METRNL: variants seen among roughly 807,000 people sequenced by gnomAD.
METRNL encodes the protein meteorin-like protein.
A neutral mutation model predicts 17.4 loss-of-function variants in METRNL; 9 were observed. The ratio of observed to expected loss-of-function variants is 0.52; its 90% confidence interval spans 0.31 to 0.90. The LOEUF (loss-of-function observed/expected upper bound fraction) is 0.90, where lower values mean the gene tolerates loss of function less well. Among genes scored for constraint, METRNL ranks in the 40% least tolerant of loss-of-function variants. The probability of loss-of-function intolerance (pLI) is 0.05; values close to 1 mark genes in which losing one functional copy is unlikely to be tolerated. For synonymous variants in METRNL, 215 were observed against 199.3 expected, an observed-to-expected ratio of 1.08 and a Z score of -0.66; for missense variants, 408 against 430.7, an observed-to-expected ratio of 0.95 and a Z score of 0.47.
At chr17:83,082,744 G>A (rs1201830056) in intron 1 of METRNL, among the ~76,000 whole-genome samples, 1 of 152,234 alleles carries the variant, frequency 6.6e-6, no homozygotes, top group East Asian at 1.9e-4. Context: ...TGAGGCACTC[G>A]ATTTTCTGGT....
chr17:83,087,466 A>T (rs1429442227), intron 2 of METRNL, among the ~76,000 whole-genome samples: 1 of 152,096 alleles, frequency 6.6e-6, no homozygotes, highest in Non-Finnish European at 1.5e-5. Flanking sequence ...CAGGGCCCTC[A>T]CGAGAGGCCT....
intron 2 of METRNL, among the ~76,000 whole-genome samples, chr17:83,090,912 C>T (rs921732754): frequency 6.6e-6 from 1 of 152,118 alleles, no homozygotes; most frequent in Non-Finnish European, 1.5e-5. Context: ...CTGCATCAGG[C>T]CCAGCATGGT....
intron 2 of METRNL, among the ~76,000 whole-genome samples, chr17:83,086,215 G>A (rs1012629059): frequency 5.9e-5 from 9 of 152,308 alleles, no homozygotes; most frequent in African/African-American, 2.2e-4. Context: ...CCACATTTTT[G>A]TGTTCTATGT....
At chr17:83,082,566 G>A (rs1415365621) in intron 1 of METRNL, among the ~76,000 whole-genome samples, 1 of 152,236 alleles carries the variant, frequency 6.6e-6, no homozygotes, top group African/African-American at 2.4e-5. Context: ...GCACGCTTCA[G>A]TTTTATCACA....
At chr17:83,084,793 C>T (rs1404246288) in intron 1 of METRNL, 145 bp from the exon 2 acceptor site, 93 of 1,028,790 alleles carry the variant, frequency 9.0e-5, no homozygotes, top group Non-Finnish European at 1.3e-4. Context: ...GGGCAGGGGT[C>T]CGTGTGGCAC....
chr17:83,082,972 G>A (rs904190215), intron 1 of METRNL, among the ~76,000 whole-genome samples: 3 of 152,264 alleles, frequency 2.0e-5, no homozygotes, highest in African/African-American at 7.2e-5. Context: ...CAGGCCCTGT[G>A]CTGGGTGCAG....
rs1459642594 is a variant in METRNL at position 83,085,073 on chromosome 17, G to A, written c.306G>A (p.Arg102=). The change falls in exon 2 of 4, where the codon CGG becomes CGA. Residue 102 remains arginine, a synonymous_variant. Transcript: ENST00000320095. ...NLRPNTFSPA[R]HLTVCIRSFT... is the part of the protein sequence containing the mutation. ...GGCCCAACACCTTCTCGCCTGCCCGGCACCTGACCGTGTGCATCAGGTCCT... is the reference window on the plus strand; with the variant it reads ...GGCCCAACACCTTCTCGCCTGCCCGACACCTGACCGTGTGCATCAGGTCCT... 2 of 1,613,904 alleles carry A rather than the reference G, an allele frequency of 1.2e-6. No homozygotes were observed. Among genetic ancestry groups the A allele is most frequent in the Non-Finnish European group, 1.7e-6 (2 of 1,180,022 alleles).
chr17:83,083,402 C>T (rs761477616), intron 1 of METRNL, among the ~76,000 whole-genome samples: 13 of 152,300 alleles, frequency 8.5e-5, no homozygotes, highest in Admixed American at 3.3e-4. Context: ...ATGCCAGAGA[C>T]GGGAGGGAGA....
chr17:83,080,776 C>T (rs1412155668), intron 1 of METRNL, among the ~76,000 whole-genome samples: 1 of 150,544 alleles, frequency 6.6e-6, no homozygotes, highest in Non-Finnish European at 1.5e-5. Context: ...TTCGCAGATG[C>T]GCGGGGACCC....
Position 83,085,273 on chromosome 17 carries a change from AG to A in METRNL, c.507del (p.Gln169HisfsTer30). On this transcript the variant is annotated frameshift_variant, in exon 2 of 4. Transcript: ENST00000320095. LOFTEE classifies it high-confidence loss of function. ...QDIGRRTTGF[Q>X]YELVRRHRAS... ...ATCGGCCGGAGGACCACAGGCTTCC[AG>A]TACGAGCTGGTTAGGAGGCACAGGG... 6.4e-7 allele frequency: 1 copy of A among 1,557,522 alleles called. No individual in the cohort carries two copies. The highest frequency in any genetic ancestry group is 8.7e-7 in the Non-Finnish European group (1 of 1,150,440).
At chr17:83,090,678 C>T (rs1002404248) in intron 2 of METRNL, among the ~76,000 whole-genome samples, 1 of 151,086 alleles carries the variant, frequency 6.6e-6, no homozygotes, top group Non-Finnish European at 1.5e-5. Context: ...GGTCACCACG[C>T]TTCTGTCGTT....
chr17:83,087,786 G>C (rs1252248294), intron 2 of METRNL, among the ~76,000 whole-genome samples: 1 of 114,288 alleles, frequency 8.7e-6, no homozygotes, highest in African/African-American at 2.6e-5. Context: ...CGAGCCTGAG[G>C]TGAGCCTGAG....
Position 83,079,681 on chromosome 17 carries a change from C to T in METRNL, c.-135C>T, listed in dbSNP as rs2037957810. ...GCGGGCCGGGATGGGCGGGCGGCCG[C>T]GCGGAGGACGCGGGGGGCGCGCGAC... is the stretch of plus-strand genomic sequence containing the variant. On this transcript the variant is annotated 5_prime_UTR_variant, in exon 1 of 4. Coordinates refer to ENST00000320095, the MANE Select transcript of METRNL (RefSeq NM_001004431.3). 2 of 224,248 alleles carry T rather than the reference C, an allele frequency of 8.9e-6. No homozygotes were observed. The highest frequency in any genetic ancestry group is 2.2e-3 in the Middle Eastern group (1 of 450). The allele number at this position is 224,248 out of a possible 1,614,324, so 13.9% of individuals were successfully genotyped here.
intron 2 of METRNL, among the ~76,000 whole-genome samples, chr17:83,085,923 G>A (rs983571314): frequency 4.6e-5 from 7 of 152,202 alleles, no homozygotes; most frequent in African/African-American, 1.4e-4. Context: ...GAGCTGTGAC[G>A]CCCAGAACAT....
At chr17:83,081,239 C>G (rs915445874) in intron 1 of METRNL, among the ~76,000 whole-genome samples, 4 of 152,054 alleles carry the variant, frequency 2.6e-5, no homozygotes, top group Admixed American at 6.5e-5. Context: ...GACGGCTCTT[C>G]TGGGGCCGCC....
chr17:83,094,431 G>C lies in METRNL; in HGVS notation c.792G>C (p.Pro264=). The C allele has an allele frequency of 1.3e-6, 2 of 1,598,356 alleles. No homozygotes were observed. Among genetic ancestry groups the C allele is most frequent in the Non-Finnish European group, 1.7e-6 (2 of 1,168,834 alleles). ...VRTLLECGVR[P]GHGDFLFTGH... ...CGCTGCTGGAGTGTGGCGTGCGGCC[G>C]GGGCATGGCGACTTCCTCTTCACTG... is the stretch of plus-strand genomic sequence containing the variant. Residue 264 remains proline, a synonymous_variant, in exon 4 of 4, where the codon CCG becomes CCC. Transcript: ENST00000320095.
intron 1 of METRNL, among the ~76,000 whole-genome samples, chr17:83,083,391 G>A (rs562387478): frequency 7.9e-4 from 120 of 152,348 alleles, no homozygotes; most frequent in African/African-American, 2.6e-3. Flanking sequence ...CAGTGGCCTC[G>A]ATGCCAGAGA....
rs567150863 is a variant in METRNL at position 83,093,194 on chromosome 17, A to C, written c.584A>C (p.Glu195Ala). ...CCGTGCCGTCCCTGCAGTGACACCG[A>C]GGTGCTCCTAGCCGTCTGCACCAGC... ...SAPCRPCSDTEVLLAVCTSDF... is the reference protein window; with the variant it reads ...SAPCRPCSDTAVLLAVCTSDF... Residue 195 changes from glutamate (E) to alanine (A), a missense_variant, in exon 3 of 4, where the codon GAG becomes GCG. Transcript: ENST00000320095. 1.2e-6 allele frequency: 2 copies of C among 1,608,238 alleles called. No individual in the cohort carries two copies. Among genetic ancestry groups the C allele is most frequent in the East Asian group, 2.2e-5 (1 of 44,860 alleles).
chr17:83,086,048 G>A (rs761566712), intron 2 of METRNL, among the ~76,000 whole-genome samples: 34 of 152,204 alleles, frequency 2.2e-4, no homozygotes, highest in Non-Finnish European at 4.1e-4. Context: ...GTGCTTGGGG[G>A]AGAGGTCCTT....
Sources: gnomAD v4.1 joint callset for allele counts (sites outside exome capture counted in the v4.1 genomes callset) on GRCh38, gnomAD v4.1.1 for gene constraint, MANE v1.5 for transcripts, NCBI Gene and HGNC (gene_info 2026-07-23, HGNC 2026-07-21) for gene names.